FCHSD2: variants seen among roughly 807,000 people sequenced by gnomAD.
FCHSD2 encodes the protein FCH and double SH3 domains 2.
Under a neutral mutation model 108.1 loss-of-function variants are expected in FCHSD2, and 38 were observed. That is an observed-to-expected ratio of 0.35 (90% CI 0.27 to 0.46). The LOEUF (loss-of-function observed/expected upper bound fraction) is 0.46. FCHSD2 is among the 20% of genes least tolerant of loss of function. FCHSD2 has a pLI of 1.00. For synonymous variants in FCHSD2, 279 were observed against 314.7 expected (o/e 0.89, Z 1.20); for missense variants, 751 against 897.8 (o/e 0.84, Z 2.09).
At chr11:73,110,223 T>C (rs1046316640) in intron 2 of FCHSD2, among the ~76,000 whole-genome samples, 1 of 151,956 alleles carries the variant, frequency 6.6e-6, no homozygotes, top group Non-Finnish European at 1.5e-5. Context: ...TTTAGGAATA[T>C]TCCCTCCTCC....
At chr11:72,840,823 C>CT (rs1860902304) in intron 19 of FCHSD2, 54 bp downstream of exon 19, 19 of 1,317,164 alleles carry the variant, frequency 1.4e-5, no homozygotes, top group Non-Finnish European at 2.1e-5. Flanking sequence ...TAATTCCTTA[C>CT]TTTCAATTTG....
intron 8 of FCHSD2, among the ~76,000 whole-genome samples, chr11:72,970,651 C>T (rs1012315982): frequency 6.6e-6 from 1 of 152,138 alleles, no homozygotes; most frequent in Admixed American, 6.5e-5. Context: ...AAAGTCCATC[C>T]CTGTGAAATG....
chr11:72,976,323 A>C, intron 8 of FCHSD2, among the ~76,000 whole-genome samples: 1 of 152,160 alleles, frequency 6.6e-6, no homozygotes, highest in East Asian at 1.9e-4. Flanking sequence ...ATGAGGTCTC[A>C]CTTTGTCACC....
chr11:73,031,520 C>T (rs995779346), intron 3 of FCHSD2, among the ~76,000 whole-genome samples: 7 of 151,982 alleles, frequency 4.6e-5, no homozygotes, highest in African/African-American at 1.5e-4. Context: ...TTACCAGGAA[C>T]GGGGAGGGAG....
At chr11:73,018,257 T>C (rs181793089) in intron 3 of FCHSD2, among the ~76,000 whole-genome samples, 3 of 152,190 alleles carry the variant, frequency 2.0e-5, no homozygotes, top group Non-Finnish European at 4.4e-5. Flanking sequence ...TGGCCCAGAC[T>C]TGAAATAAGC....
chr11:72,859,103 G>A (rs1331021858), intron 13 of FCHSD2, among the ~76,000 whole-genome samples: 1 of 152,226 alleles, frequency 6.6e-6, no homozygotes, highest in Non-Finnish European at 1.5e-5. Context: ...AGAGAGCTCA[G>A]GATGCGGAGT....
intron 8 of FCHSD2, among the ~76,000 whole-genome samples, chr11:72,947,636 A>G (rs1856543554): frequency 6.6e-6 from 1 of 152,226 alleles, no homozygotes; most frequent in Admixed American, 6.5e-5. Context: ...ATCCTCCAGC[A>G]CATTCTGTTG....
At chr11:73,099,261 G>A (rs1263267790) in intron 2 of FCHSD2, among the ~76,000 whole-genome samples, 1 of 150,782 alleles carries the variant, frequency 6.6e-6, no homozygotes, top group East Asian at 1.9e-4. Context: ...CACTAGGATG[G>A]CTGTAAAACA....
intron 9 of FCHSD2, among the ~76,000 whole-genome samples, chr11:72,916,233 G>C (rs943328565): frequency 6.6e-6 from 1 of 150,896 alleles, no homozygotes; most frequent in Non-Finnish European, 1.5e-5. Flanking sequence ...GGGAAAAAAA[G>C]GTTTATCAAT....
chr11:73,119,271 C>T (rs565489340), intron 2 of FCHSD2, among the ~76,000 whole-genome samples: 1 of 151,202 alleles, frequency 6.6e-6, no homozygotes, highest in Non-Finnish European at 1.5e-5. Flanking sequence ...CCATTGCATT[C>T]CAGCCTGCAC....
chr11:72,899,045 A>G (rs1855476404), intron 10 of FCHSD2, among the ~76,000 whole-genome samples: 1 of 152,220 alleles, frequency 6.6e-6, no homozygotes. Context: ...GCACCCAGCC[A>G]GATTTCTTAA....
intron 13 of FCHSD2, among the ~76,000 whole-genome samples, chr11:72,858,295 C>T (rs1404821078): frequency 6.6e-6 from 1 of 152,152 alleles, no homozygotes; most frequent in Non-Finnish European, 1.5e-5. Context: ...ATAAATCATT[C>T]TATTATAAAG....
intron 19 of FCHSD2, among the ~76,000 whole-genome samples, chr11:72,839,402 TAA>T (rs1860836000): frequency 6.6e-6 from 1 of 152,166 alleles, no homozygotes; most frequent in African/African-American, 2.4e-5. Context: ...ATGACTCAGG[TAA>T]CAACTGGAGA....
At position 72,888,746 on chromosome 11, in the gene FCHSD2, G is replaced by A. The variant is rs561675633; in HGVS notation, c.1041+1083C>T. Among the ~76,000 whole-genome samples the A allele has an allele frequency of 3.3e-5, 5 of 151,454 alleles. No homozygotes were observed. In the South Asian group the frequency reaches 6.2e-4, roughly 19 times the overall value. On this transcript the variant is annotated intron_variant, in intron 11 of 19. Transcript: ENST00000409418. ...CAATTCTCCCCAACCTTAGCCTCCC[G>A]AATAGGTGGGAAGATAGGTGTGCGC...
At chr11:72,948,073 T>C (rs1329443820) in intron 8 of FCHSD2, among the ~76,000 whole-genome samples, 1 of 152,202 alleles carries the variant, frequency 6.6e-6, no homozygotes, top group Non-Finnish European at 1.5e-5. Flanking sequence ...AGTGGTGCGA[T>C]CTCGGCTCAC....
intron 3 of FCHSD2, among the ~76,000 whole-genome samples, chr11:73,057,949 G>C (rs2135484309): frequency 6.7e-6 from 1 of 149,360 alleles, no homozygotes; most frequent in African/African-American, 2.5e-5. Flanking sequence ...GCACGATCTT[G>C]GCTCACTGCA....
intron 8 of FCHSD2, among the ~76,000 whole-genome samples, chr11:72,976,761 G>T (rs1426271524): frequency 6.6e-6 from 1 of 152,028 alleles, no homozygotes; most frequent in African/African-American, 2.4e-5. Context: ...CATCTACAGT[G>T]AACTCATTTT....
At chr11:72,854,945 C>T (rs527702324) in intron 13 of FCHSD2, among the ~76,000 whole-genome samples, 4 of 152,038 alleles carry the variant, frequency 2.6e-5, no homozygotes, top group African/African-American at 9.6e-5. Context: ...CGAGACCAGC[C>T]TGGCCAACAT....
intron 4 of FCHSD2, among the ~76,000 whole-genome samples, chr11:73,001,921 T>C (rs1476331701): frequency 1.3e-5 from 2 of 152,244 alleles, no homozygotes; most frequent in Admixed American, 1.3e-4. Flanking sequence ...CCTTCTTTCC[T>C]ACTTGCTAAA....
Sources: gnomAD v4.1 joint callset for allele counts (sites outside exome capture counted in the v4.1 genomes callset) on GRCh38, gnomAD v4.1.1 for gene constraint, MANE v1.5 for transcripts, NCBI Gene and HGNC (gene_info 2026-07-23, HGNC 2026-07-21) for gene names.